RAB11FIP5: variants seen among roughly 807,000 people sequenced by gnomAD.
RAB11FIP5 encodes rab11 family-interacting protein 5.
RAB11FIP5 carries 48 observed loss-of-function variants against 85.1 expected under a neutral mutation model. The observed-to-expected ratio is 0.56, with a 90% CI of 0.45 to 0.72. The LOEUF (loss-of-function observed/expected upper bound fraction) is 0.72. Among genes scored for constraint, RAB11FIP5 ranks in the 30% least tolerant of loss-of-function variants. The pLI is 0.00. For missense variants in RAB11FIP5, 1,491 were observed against 1,687.0 expected, an observed-to-expected ratio of 0.88 and a Z score of 2.04; for synonymous variants, 729 against 727.3, an observed-to-expected ratio of 1.00 and a Z score of -0.04.
chr2:73,077,190 G>A (rs1400329850), intron 4 of RAB11FIP5, among the ~76,000 whole-genome samples: 1 of 152,198 alleles, frequency 6.6e-6, no homozygotes, highest in African/African-American at 2.4e-5. Flanking sequence ...TGCTCCCTGG[G>A]TTACCCCTCA....
Position 73,112,537 on chromosome 2 carries a change from C to T in RAB11FIP5, c.241G>A (p.Ala81Thr), listed in dbSNP as rs774206208. 4.6e-6 allele frequency: 7 copies of T among 1,532,202 alleles called. No homozygotes were observed. In the Admixed American group the frequency reaches 1.2e-4, roughly 27 times the overall value. The allele number at this position is 1,532,202 out of a possible 1,614,324, so 94.9% of individuals were successfully genotyped here. Residue 81 changes from alanine to threonine, a missense_variant, in exon 1 of 6, where the codon GCC (alanine) becomes ACC (threonine). By Grantham distance (58) the Ala-to-Thr change is moderately conservative. Transcript: ENST00000486777. ...EECSFELPPGALDGLLRAQEA... is the reference protein window; with the variant it reads ...EECSFELPPGTLDGLLRAQEA... ...TGCGCCCGCAGCAGGCCATCCAGGG[C>T]CCCCGGCGGCAGCTCGAAGGAGCAC...
intron 1 of RAB11FIP5, among the ~76,000 whole-genome samples, chr2:73,107,932 CAACT>C (rs1684562760): frequency 6.6e-6 from 1 of 152,202 alleles, no homozygotes; most frequent in African/African-American, 2.4e-5. Context: ...ATCTGCCCAC[CAACT>C]GTCTGCCCAG....
intron 1 of RAB11FIP5, among the ~76,000 whole-genome samples, chr2:73,111,167 C>G (rs1025514619): frequency 6.6e-6 from 1 of 152,116 alleles, no homozygotes; most frequent in East Asian, 1.9e-4. Flanking sequence ...CCCTCCCCAT[C>G]CCAGACCACA....
At position 73,088,333 on chromosome 2, in the gene RAB11FIP5, G is replaced by A. The variant is rs145839919; in HGVS notation, c.1285C>T (p.Pro429Ser). 16 of 1,613,546 alleles carry A rather than the reference G, an allele frequency of 9.9e-6. No homozygotes were observed. The African/African-American group carries it at 1.9e-4, about 19-fold the overall frequency. Residue 429 changes from proline to serine, a missense_variant, in exon 3 of 6, where the codon CCA (proline) becomes TCA (serine). Around this residue, in one of 3 missense-constraint regions of RAB11FIP5, gnomAD observed 1,211 missense variants for 1,338.0 expected, o/e 0.91. Transcript: ENST00000486777. Reference protein sequence around the residue: ...HPGEEEGARLPEGKPVQVATP... With the variant: ...HPGEEEGARLSEGKPVQVATP... The stretch of plus-strand genomic sequence containing the variant: ...GCAACCTGGACTGGCTTGCCCTCTG[G>A]TAGCCGGGCCCCCTCCTCCTCTCCA...
rs58907775 is a variant in RAB11FIP5, at chr2:73,089,882, TAC to T, written c.432-569_432-568del. Reference sequence around the variant, plus strand: ...GCTAGTGCATACACTCATGTATGTATACACACACACACACACACACACACACA... The same window carrying T: ...GCTAGTGCATACACTCATGTATGTATACACACACACACACACACACACACA... On this transcript the variant is annotated intron_variant, in intron 1 of 5. Coordinates refer to ENST00000486777, the MANE Select transcript of RAB11FIP5 (RefSeq NM_001371272.1). This position sits in a 1 kb window ranked among gnomAD's most constrained non-coding sequence, Gnocchi z 4.6. Among the ~76,000 whole-genome samples the T allele has an allele frequency of 0.24, 35,096 of 147,912 alleles. 4,862 individuals are homozygous for T. The highest frequency in any genetic ancestry group is 0.33 in the Non-Finnish European group (21,827 of 66,836).
In RAB11FIP5 at chr2:73,076,032, G is replaced by T. The variant is rs768210029; in HGVS notation, c.3732C>A (p.Ala1244=). ...TGTCCACCATCTGGCCAGCCTGGGGGGCCTGGGTCACAGGCTGAATGCTCC... is the reference window on the plus strand; with the variant it reads ...TGTCCACCATCTGGCCAGCCTGGGGTGCCTGGGTCACAGGCTGAATGCTCC... ...TSGSIQPVTQ[A]PQAGQMVDTK... The change falls in exon 5 of 6, where the codon GCC becomes GCA. Residue 1244 remains alanine (A), a synonymous_variant. Coordinates refer to ENST00000486777, the MANE Select transcript of RAB11FIP5 (RefSeq NM_001371272.1). 1 of 1,614,060 alleles carries T rather than the reference G, an allele frequency of 6.2e-7. No homozygotes were observed. Among genetic ancestry groups the T allele is most frequent in the South Asian group, 1.1e-5 (1 of 91,088 alleles).
At chr2:73,097,735 G>T (rs902779824) in intron 1 of RAB11FIP5, among the ~76,000 whole-genome samples, 1 of 152,204 alleles carries the variant, frequency 6.6e-6, no homozygotes, top group African/African-American at 2.4e-5. Context: ...GGCTTAAAGG[G>T]AGGTTTCCAG....
chr2:73,106,484 TCC>T lies in RAB11FIP5; in HGVS notation c.431+5861_431+5862del, dbSNP rs368169481. ...CCAAATGTAGGGAGATATCCAGGCT[TCC>T]CCCCCTTTGGAATCTCTCCCCCACC... On this transcript the variant is annotated intron_variant, in intron 1 of 5. Transcript: ENST00000486777. 9.7e-4 allele frequency among the ~76,000 whole-genome samples: 148 copies of T among 152,014 alleles called. 1 individual carries two copies. The South Asian group carries it at 0.018, about 18-fold the overall frequency.
At chr2:73,082,154 G>C (rs1683997264) in intron 3 of RAB11FIP5, among the ~76,000 whole-genome samples, 1 of 150,532 alleles carries the variant, frequency 6.6e-6, no homozygotes, top group Non-Finnish European at 1.5e-5. Context: ...TTGTGCCTCA[G>C]TGTGTGCCAC....
At chr2:73,091,662 T>C (rs149047230) in intron 1 of RAB11FIP5, among the ~76,000 whole-genome samples, 1 of 152,114 alleles carries the variant, frequency 6.6e-6, no homozygotes, top group African/African-American at 2.4e-5. Context: ...GTGGTAGTGG[T>C]GGTAGTATTT....
In RAB11FIP5 at chr2:73,112,462, A is replaced by AGGC. The variant is rs1023672956; in HGVS notation, c.313_315dup (p.Ala105dup). On this transcript the variant is annotated inframe_insertion, in exon 1 of 6. Transcript: ENST00000486777. Reference sequence around the variant, plus strand: ...TGCATGGTGGTGAGCACCAGCTCGCAGGCGGCGGCGGAGCTCGCGGCCCAG... The same window carrying AGGC: ...TGCATGGTGGTGAGCACCAGCTCGCAGGCGGCGGCGGCGGAGCTCGCGGCCCAG... The AGGC allele has an allele frequency of 4.7e-6, 7 of 1,496,994 alleles. No homozygotes were observed. The African/African-American group carries it at 1.0e-4, about 22-fold the overall frequency. The allele number at this position is 1,496,994 out of a possible 1,614,324, so 92.7% of individuals were successfully genotyped here.
In RAB11FIP5 at chr2:73,105,840, T is replaced by G. The variant is rs186625903; in HGVS notation, c.431+6507A>C. On this transcript the variant is annotated intron_variant, in intron 1 of 5. Coordinates refer to ENST00000486777, the MANE Select transcript of RAB11FIP5 (RefSeq NM_001371272.1). ...GAAGACTGAGGTGGGCAGTGTGGTG[T>G]GGTGGCCAAGAGCATAGACTGGGAA... is the stretch of plus-strand genomic sequence containing the variant. Among the ~76,000 whole-genome samples the G allele has an allele frequency of 5.7e-3, 872 of 152,070 alleles. 7 individuals are homozygous for G. Among genetic ancestry groups the G allele is most frequent in the Middle Eastern group, 0.01 (3 of 294 alleles).
At position 73,089,076 on chromosome 2, in the gene RAB11FIP5, C is replaced by A. The variant is rs1553364537; in HGVS notation, c.671G>T (p.Ser224Ile). The change falls in exon 2 of 6, where the codon AGC (serine) becomes ATC (isoleucine). Residue 224 changes from serine (S) to isoleucine (I), a missense_variant. Ser to Ile is a moderately radical substitution (Grantham distance 142, BLOSUM62 -2). This residue lies in a region of RAB11FIP5 where 1,211 missense variants were observed against 1,338.0 expected (regional missense o/e 0.91). Transcript: ENST00000486777. The surrounding 1 kb of genome is among the most constrained non-coding windows in gnomAD (Gnocchi z 4.6). ...TTTGGCTTTGCCCATCTTGCCCAGG[C>A]TGCCCAGGTCAGGATCCTCTATGGC... ...SSAIEDPDLGSLGKMGKAKGF... is the reference protein window; with the variant it reads ...SSAIEDPDLGILGKMGKAKGF... The A allele has an allele frequency of 2.5e-6, 4 of 1,614,226 alleles. No individual in the cohort carries two copies. In the East Asian group the frequency reaches 8.9e-5, roughly 36 times the overall value.
Position 73,080,488 on chromosome 2 carries a change from T to C in RAB11FIP5, c.2744A>G (p.Glu915Gly). 1 of 1,233,506 alleles carries C rather than the reference T, an allele frequency of 8.1e-7. No individual in the cohort carries two copies. Among genetic ancestry groups the C allele is most frequent in the Non-Finnish European group, 1.0e-6 (1 of 988,712 alleles). The allele number at this position is 1,233,506 out of a possible 1,614,324, so 76.4% of individuals were successfully genotyped here. The change falls in exon 4 of 6, where the codon GAG becomes GGG. Residue 915 changes from glutamate to glycine, a missense_variant. Around this residue, in one of 3 missense-constraint regions of RAB11FIP5, gnomAD observed 1,211 missense variants for 1,338.0 expected, o/e 0.91. Coordinates refer to ENST00000486777, the MANE Select transcript of RAB11FIP5 (RefSeq NM_001371272.1). ...PRLFTPSRSQEEEEEKAAVGL... is the reference protein window; with the variant it reads ...PRLFTPSRSQGEEEEKAAVGL... ...CACTGCGGCCTTCTCCTCCTCCTCC[T>C]CCTGGGATCTTGAGGGTGTGAAGAG...
chr2:73,079,386 T>C (rs1012605845), intron 4 of RAB11FIP5, among the ~76,000 whole-genome samples: 1 of 152,194 alleles, frequency 6.6e-6, no homozygotes, highest in African/African-American at 2.4e-5. Flanking sequence ...CCTTATACCC[T>C]GCACCTCATC....
intron 1 of RAB11FIP5, among the ~76,000 whole-genome samples, chr2:73,109,778 T>C (rs1019699857): frequency 6.6e-6 from 1 of 152,212 alleles, no homozygotes; most frequent in African/African-American, 2.4e-5. Context: ...CCGTCACCCA[T>C]GGTCCTAAGG....
chr2:73,099,033 G>GTTTTTTTTTTTTTTTTTTTTTTTTTT (rs112316838), intron 1 of RAB11FIP5, among the ~76,000 whole-genome samples: 1 of 136,006 alleles, frequency 7.4e-6, no homozygotes. Context: ...ATGCTTTTTT[G>GTTTTTTTTTTTTTTTTTTTTTTTTTT]TTTTTTTTTT....
In RAB11FIP5 at chr2:73,088,668, G is replaced by A. The variant is rs762445690; in HGVS notation, c.950C>T (p.Pro317Leu). The A allele has an allele frequency of 2.5e-6, 4 of 1,613,034 alleles. No individual in the cohort carries two copies. In the African/African-American group the frequency reaches 4.0e-5, roughly 16 times the overall value. ...CTGAAGGTCCAGAAGGGCCCGAGGAGGAGCCACTCGCATCTGGTTGGCCTC... is the reference window on the plus strand; with the variant it reads ...CTGAAGGTCCAGAAGGGCCCGAGGAAGAGCCACTCGCATCTGGTTGGCCTC... The part of the protein sequence containing the change: ...SDEANQMRVA[P>L]PRALLDLQGH... The change falls in exon 3 of 6, where the codon CCT becomes CTT. Residue 317 changes from proline (P) to leucine (L), a missense_variant. By Grantham distance (98) the Pro-to-Leu change is moderately conservative. Around this residue, in one of 3 missense-constraint regions of RAB11FIP5, gnomAD observed 1,211 missense variants for 1,338.0 expected, o/e 0.91. Transcript: ENST00000486777.
In RAB11FIP5 at chr2:73,079,911, C is replaced by A. The variant is rs892374850; in HGVS notation, c.3321G>T (p.Pro1107=). 1.8e-5 allele frequency: 22 copies of A among 1,232,194 alleles called. No individual in the cohort carries two copies. In the East Asian group the frequency reaches 6.0e-4, roughly 34 times the overall value. 76.3% of individuals were successfully genotyped at this position (1,232,194 alleles called of 1,614,324 possible). A position where few individuals can be genotyped will look rare whatever the true frequency, so the allele number is the denominator to read the frequency against. The stretch of plus-strand genomic sequence containing the variant: ...GGCTGGCCCAAGGCGGGAGAGGGGG[C>A]GGTGGAAAGTCAGGCTCTGGGGGAG... ...LPTPPEPDFP[P]PPLPPWASHH... Residue 1107 remains proline (P), a synonymous_variant, in exon 4 of 6, where the codon CCG becomes CCT. Coordinates refer to ENST00000486777, the MANE Select transcript of RAB11FIP5 (RefSeq NM_001371272.1).
Sources: gnomAD v4.1 joint callset for allele counts (sites outside exome capture counted in the v4.1 genomes callset) on GRCh38, gnomAD v4.1.1 for gene constraint, gnomAD v4.1.1 regional missense constraint, Gnocchi (gnomAD v3.1) non-coding constraint, MANE v1.5 for transcripts, NCBI Gene and HGNC (gene_info 2026-07-23, HGNC 2026-07-21) for gene names.